Variants in ANXA2 observed in about 807,000 individuals in gnomAD.
ANXA2 encodes the protein annexin A2.
In ANXA2, 28 loss-of-function variants were observed where a neutral mutation model predicts 47.3. That is an observed-to-expected ratio of 0.59 (90% confidence interval 0.44 to 0.81). ANXA2 has a LOEUF of 0.81. ANXA2 is among the 40% of genes least tolerant of loss of function. The pLI, the probability that ANXA2 is intolerant of heterozygous loss-of-function variation, is 0.00. For missense variants in ANXA2, 384 were observed against 414.3 expected, an observed-to-expected ratio of 0.93 and a Z score of 0.64; for synonymous variants, 172 against 155.5, an observed-to-expected ratio of 1.11 and a Z score of -0.79.
chr15:60,389,960 A>G (rs1469065741), intron 1 of ANXA2, among the ~76,000 whole-genome samples: 1 of 152,224 alleles, frequency 6.6e-6, no homozygotes, highest in Admixed American at 6.5e-5. Context: ...TAAGTGCCCT[A>G]CACGTGCCAA....
chr15:60,374,310 T>C, intron 3 of ANXA2: 1 of 371,760 alleles, frequency 2.7e-6, no homozygotes, highest in East Asian at 7.2e-5. Context: ...CTGCTCAAGA[T>C]TCAAATCAAA....
rs550134442 is a variant in ANXA2 at position 60,371,967 on chromosome 15, C to T, written c.149-7444G>A. On this transcript the variant is annotated intron_variant, in intron 3 of 12. Transcript: ENST00000451270. ...GAGTTTGAGATCAGCCTCACTAACA[C>T]GGAGAAACCCCATCTCTACTAAAAA... Among the ~76,000 whole-genome samples, 507 of 152,136 alleles carry T rather than the reference C, an allele frequency of 3.3e-3. 7 individuals are homozygous for T. The highest frequency in any genetic ancestry group is 0.012 in the African/African-American group (498 of 41,470).
At chr15:60,382,181 GA>G (rs2140910592) in intron 3 of ANXA2, among the ~76,000 whole-genome samples, 160 bp downstream of exon 3, 1 of 151,578 alleles carries the variant, frequency 6.6e-6, no homozygotes, top group South Asian at 2.1e-4. Context: ...AGGAGGGAAG[GA>G]AGGAAAGGAG....
Position 60,352,254 on chromosome 15 carries a change from G to T in ANXA2, c.682+129C>A. ...TGGGAGAGAAAGGTGAGGGAAAATG[G>T]GTGAGCCTATGAGAGTGCCAAGCGG... is the stretch of plus-strand genomic sequence containing the variant. On this transcript the variant is annotated intron_variant, in intron 9 of 12. Transcript: ENST00000451270. This position sits in a 1 kb window ranked among gnomAD's most constrained non-coding sequence, Gnocchi z 4.2. 1.7e-6 allele frequency: 1 copy of T among 584,028 alleles called. No individual in the cohort carries two copies. The highest frequency in any genetic ancestry group is 2.6e-5 in the South Asian group (1 of 39,094). The allele number at this position is 584,028 out of a possible 1,614,324, so 36.2% of individuals were successfully genotyped here.
chr15:60,350,647 T>A (rs1250151958), intron 11 of ANXA2, among the ~76,000 whole-genome samples: 1 of 151,290 alleles, frequency 6.6e-6, no homozygotes, highest in Non-Finnish European at 1.5e-5. Context: ...CGGGAAGAGG[T>A]GGTTCGTTTA....
At chr15:60,388,048 C>T (rs1214081420) in intron 1 of ANXA2, among the ~76,000 whole-genome samples, 8 of 151,904 alleles carry the variant, frequency 5.3e-5, no homozygotes, top group Admixed American at 5.3e-4. Flanking sequence ...ATTAGCTGGG[C>T]GTGGGGGCGG....
At chr15:60,396,829 G>C (rs1455461973) in intron 1 of ANXA2, among the ~76,000 whole-genome samples, 1 of 152,228 alleles carries the variant, frequency 6.6e-6, no homozygotes, top group African/African-American at 2.4e-5. Context: ...TAATGGCCCA[G>C]CGTGCACCCA....
At chr15:60,353,133 T>C (rs1258694385) in intron 8 of ANXA2, among the ~76,000 whole-genome samples, 1 of 152,250 alleles carries the variant, frequency 6.6e-6, no homozygotes, top group Non-Finnish European at 1.5e-5. Context: ...GTGTGGAATA[T>C]ATTGAATTTT....
chr15:60,359,808 T>C (rs2062485619), intron 5 of ANXA2, among the ~76,000 whole-genome samples: 1 of 147,818 alleles, frequency 6.8e-6, no homozygotes, highest in Non-Finnish European at 1.5e-5. Context: ...TCAAGACCAA[T>C]GGTTTCCCTC....
At chr15:60,392,829 T>C (rs2063031402) in intron 1 of ANXA2, among the ~76,000 whole-genome samples, 1 of 152,096 alleles carries the variant, frequency 6.6e-6, no homozygotes, top group Non-Finnish European at 1.5e-5. Context: ...AAATGAAGAT[T>C]TTAAAGCAAA....
chr15:60,347,777 G>T (rs752756110), intron 12 of ANXA2, 88 bp from the exon 13 acceptor site: 1 of 1,164,938 alleles, frequency 8.6e-7, no homozygotes, highest in Non-Finnish European at 1.3e-6. Flanking sequence ...AACGCACAAT[G>T]AAGCTTCTCC....
chr15:60,360,967 C>G lies in ANXA2; in HGVS notation c.331G>C (p.Ala111Pro), dbSNP rs373508768. 1 of 1,610,894 alleles carries G rather than the reference C, an allele frequency of 6.2e-7. No individual in the cohort carries two copies. Among genetic ancestry groups the G allele is most frequent in the African/African-American group, 1.3e-5 (1 of 74,992 alleles). The part of the protein sequence containing the change: ...GLLKTPAQYD[A>P]SELKASMKGL... The stretch of plus-strand genomic sequence containing the variant: ...TTCATGGAAGCTTTTAGCTCAGAAG[C>G]GTCATACTGAGCAGGTGTCTTCAAT... The change falls in exon 5 of 13, where the codon GCT (alanine) becomes CCT (proline). Residue 111 changes from alanine to proline, a missense_variant. Coordinates refer to ENST00000451270, the MANE Select transcript of ANXA2 (RefSeq NM_004039.3).
intron 1 of ANXA2, chr15:60,392,947 A>C: frequency 2.2e-6 from 2 of 909,176 alleles, no homozygotes; most frequent in Non-Finnish European, 2.8e-6. Flanking sequence ...TAAACTAAAA[A>C]AAAAAAAAAA....
At chr15:60,388,873 C>G (rs2062969287) in intron 1 of ANXA2, among the ~76,000 whole-genome samples, 2 of 150,320 alleles carry the variant, frequency 1.3e-5, no homozygotes, top group Non-Finnish European at 3.0e-5. Flanking sequence ...TCCCAAGTAG[C>G]TGGGACTACA....
intron 3 of ANXA2, 27 bp downstream of exon 3, chr15:60,382,315 C>A (rs771307837): frequency 2.5e-6 from 4 of 1,574,800 alleles, no homozygotes; most frequent in Non-Finnish European, 3.5e-6. Context: ...AAGACCCTGA[C>A]AAGAAGAGGA....
At chr15:60,385,893 G>A (rs1281999960) in intron 2 of ANXA2, 135 bp downstream of exon 2, 9 of 600,436 alleles carry the variant, frequency 1.5e-5, no homozygotes, top group Non-Finnish European at 2.6e-5. Flanking sequence ...GAAGTATTAA[G>A]AAAGAGGAGA....
intron 3 of ANXA2, among the ~76,000 whole-genome samples, chr15:60,366,140 T>C (rs939462743): frequency 7.4e-6 from 1 of 135,242 alleles, no homozygotes; most frequent in Admixed American, 7.5e-5. Flanking sequence ...TGGAGTCTCG[T>C]TCACTCAGTG....
At chr15:60,350,628 A>G (rs1302350749) in intron 11 of ANXA2, among the ~76,000 whole-genome samples, 1 of 152,076 alleles carries the variant, frequency 6.6e-6, no homozygotes, top group East Asian at 1.9e-4. Flanking sequence ...AGAAAATGGG[A>G]TGGGTCTACG....
At chr15:60,394,780 C>T (rs1348547988) in intron 1 of ANXA2, 1 of 151,968 alleles carries the variant, frequency 6.6e-6, no homozygotes, top group Non-Finnish European at 1.5e-5. Context: ...GTAGAACCAC[C>T]CAGAAGGACA....
Sources: allele counts gnomAD v4.1 joint callset (sites outside exome capture counted in the v4.1 genomes callset), GRCh38; gene constraint gnomAD v4.1.1; non-coding constraint Gnocchi (gnomAD v3.1); transcripts MANE v1.5; gene names NCBI Gene and HGNC (gene_info 2026-07-23, HGNC 2026-07-21).